The following CTRC variants were observed in gnomAD, a reference collection of about 807,000 sequenced individuals.
The protein encoded by CTRC is chymotrypsin C, also known as chymotrypsin-C.
Under a neutral mutation model 35.7 loss-of-function variants are expected in CTRC, and 32 were observed. That is an observed-to-expected ratio of 0.90 (90% CI 0.68 to 1.20). The LOEUF is 1.20. Ranked by LOEUF, CTRC falls within the 50% of genes most tolerant of loss-of-function variation. The pLI is 0.00. For synonymous variants in CTRC, 119 were observed against 149.5 expected, an observed-to-expected ratio of 0.80 and a Z score of 1.49; for missense variants, 324 against 361.5, an observed-to-expected ratio of 0.90 and a Z score of 0.84.
intron 1 of CTRC, among the ~76,000 whole-genome samples, chr1:15,440,095 G>A (rs901727261): frequency 5.3e-5 from 8 of 152,122 alleles, no homozygotes; most frequent in African/African-American, 7.2e-5. Context: ...CAAACTCACC[G>A]CATTAGTGTG....
chr1:15,443,344 A>C (rs1478909023), intron 4 of CTRC, 75 bp from the exon 5 acceptor site: 2 of 1,596,036 alleles, frequency 1.3e-6, no homozygotes, highest in African/African-American at 2.7e-5. Context: ...CCCAACTCAC[A>C]GCCCGAGCCC....
intron 4 of CTRC, among the ~76,000 whole-genome samples, 189 bp from the exon 5 acceptor site, chr1:15,443,230 A>G (rs1325668964): frequency 6.6e-6 from 1 of 152,140 alleles, no homozygotes; most frequent in Non-Finnish European, 1.5e-5. Flanking sequence ...AGTGCGGGTG[A>G]TCATGTTAGA....
intron 1 of CTRC, among the ~76,000 whole-genome samples, chr1:15,439,606 C>G (rs1022221653): frequency 9.2e-5 from 14 of 152,104 alleles, no homozygotes; most frequent in African/African-American, 3.4e-4. Context: ...TGTTCTTGAC[C>G]GCTCCACACA....
rs556674214 is a variant in CTRC at position 15,446,923 on chromosome 1, C to T, written c.*334C>T. 132 of 458,892 alleles carry T rather than the reference C, an allele frequency of 2.9e-4. 5 individuals carry two copies. Among genetic ancestry groups the T allele is most frequent in the South Asian group, 2.6e-3 (128 of 48,690 alleles). The allele number at this position is 458,892 out of a possible 1,614,324, so 28.4% of individuals were successfully genotyped here. A position where few individuals can be genotyped will look rare whatever the true frequency, so the allele number is the denominator to read the frequency against. On this transcript the variant is annotated 3_prime_UTR_variant, in exon 8 of 8. Transcript: ENST00000375949. ...AAGGACGCATCAGACACCTTCCCCG[C>T]TCCATCTCACAAGCTGCGAACAGGT...
intron 6 of CTRC, 125 bp downstream of exon 6, chr1:15,444,876 C>T (rs1708193240): frequency 4.0e-6 from 5 of 1,262,126 alleles, no homozygotes; most frequent in African/African-American, 1.5e-5. Context: ...CTGGGCCCAG[C>T]AGGCTCAGGG....
rs115789264 is a variant in CTRC, at chr1:15,440,926, T to A, written c.230+336T>A. ...CAGGAGCAGTGGCTCACGCCTGTAA[T>A]CATAGCACTCTGGGAGGCCGACGCA... is the stretch of plus-strand genomic sequence containing the variant. On this transcript the variant is annotated intron_variant, in intron 3 of 7. Coordinates refer to ENST00000375949, the MANE Select transcript of CTRC (RefSeq NM_007272.3). 7.5e-3 allele frequency among the ~76,000 whole-genome samples: 1,144 copies of A among 152,280 alleles called. 20 individuals carry two copies. Among genetic ancestry groups the A allele is most frequent in the African/African-American group, 0.025 (1,057 of 41,554 alleles).
At chr1:15,445,413 A>G (rs1708200899) in intron 6 of CTRC, among the ~76,000 whole-genome samples, 184 bp from the exon 7 acceptor site, 1 of 152,180 alleles carries the variant, frequency 6.6e-6, no homozygotes, top group African/African-American at 2.4e-5. Context: ...CTCCCAGAAT[A>G]AGGCCAAGGC....
chr1:15,446,839 C>T lies in CTRC; in HGVS notation c.*250C>T, dbSNP rs972688485. 8.2e-6 allele frequency: 5 copies of T among 606,062 alleles called. No individual in the cohort carries two copies. In the African/African-American group the frequency reaches 9.2e-5, roughly 11 times the overall value. 37.5% of individuals were successfully genotyped at this position (606,062 alleles called of 1,614,324 possible). The stretch of plus-strand genomic sequence containing the variant: ...AGCCTCCTGGGGCATTAATGGGAGG[C>T]AGGGGGCTGGGGTGGAGAGCCCAGG... On this transcript the variant is annotated 3_prime_UTR_variant, in exon 8 of 8. Coordinates refer to ENST00000375949, the MANE Select transcript of CTRC (RefSeq NM_007272.3).
At chr1:15,442,613 T>A in intron 4 of CTRC, 41 bp downstream of exon 4, 8 of 1,612,848 alleles carry the variant, frequency 5.0e-6, no homozygotes, top group Non-Finnish European at 5.9e-6. Flanking sequence ...CTGGGGGCAG[T>A]GTGGAAGGAG....
chr1:15,442,658 C>G, intron 4 of CTRC, 86 bp downstream of exon 4: 2 of 1,567,234 alleles, frequency 1.3e-6, no homozygotes, highest in Non-Finnish European at 1.7e-6. Context: ...GCCTGTCGCA[C>G]CCCATACCTG....
chr1:15,445,751 T>C lies in CTRC; in HGVS notation c.792+2T>C. On this transcript the variant is annotated splice_donor_variant, in intron 7 of 7. Transcript: ENST00000375949. LOFTEE classifies it high-confidence loss of function. ...GCCTACATCGACTGGATCAACGAGG[T>C]GGGTGCTGCCTCCACAGCTGTCCCT... The C allele has an allele frequency of 6.2e-7, 1 of 1,614,054 alleles. No homozygotes were observed. Among genetic ancestry groups the C allele is most frequent in the Non-Finnish European group, 8.5e-7 (1 of 1,180,012 alleles).
At chr1:15,441,454 C>T (rs866897583) in intron 3 of CTRC, among the ~76,000 whole-genome samples, 3 of 151,736 alleles carry the variant, frequency 2.0e-5, no homozygotes, top group Non-Finnish European at 1.5e-5. Flanking sequence ...AACGCGGAAG[C>T]CGGTGTGGCA....
chr1:15,442,578 T>G lies in CTRC; in HGVS notation c.356+6T>G. ...TGGAATGCCCTCCTGTTGCGGTGAG[T>G]GACAGACTGCCCATCCCACAGCCAC... On this transcript the variant is annotated splice_donor_region_variant and intron_variant, in intron 4 of 7. Transcript: ENST00000375949. 1 of 1,613,754 alleles carries G rather than the reference T, an allele frequency of 6.2e-7. No homozygotes were observed. Among genetic ancestry groups the G allele is most frequent in the South Asian group, 1.1e-5 (1 of 91,062 alleles).
chr1:15,443,734 CTG>C (rs1415598022), intron 5 of CTRC, among the ~76,000 whole-genome samples, 179 bp downstream of exon 5: 1 of 152,186 alleles, frequency 6.6e-6, no homozygotes. Context: ...GCAAGGGTCT[CTG>C]AGAGATGTGG....
At chr1:15,443,643 T>C in intron 5 of CTRC, 88 bp downstream of exon 5, 1 of 1,500,924 alleles carries the variant, frequency 6.7e-7, no homozygotes. Context: ...CCTTTTTGCC[T>C]TCACATTTTC....
rs747431847 is a variant in CTRC, at chr1:15,438,503, T to C, written c.39T>C (p.Cys13=). ...GITVLAALLA[C]ASSCGVPSFP... is the part of the protein sequence containing the mutation. ...CTGTCCTCGCTGCGCTCTTGGCCTG[T>C]GGTAAGCGGTGGGGTGGGGCTGCAG... Residue 13 remains cysteine, a splice_region_variant and synonymous_variant, in exon 1 of 8, where the codon TGT becomes TGC. Transcript: ENST00000375949. The C allele has an allele frequency of 6.1e-5, 99 of 1,613,920 alleles. No homozygotes were observed. The highest frequency in any genetic ancestry group is 1.6e-4 in the Middle Eastern group (1 of 6,084).
At chr1:15,443,850 G>A (rs958012949) in intron 5 of CTRC, among the ~76,000 whole-genome samples, 4 of 152,156 alleles carry the variant, frequency 2.6e-5, no homozygotes, top group African/African-American at 4.8e-5. Flanking sequence ...GGTAGGGGAT[G>A]ACATCTGTGG....
At position 15,447,488 on chromosome 1, in the gene CTRC, C is replaced by G. The variant is rs895711983; in HGVS notation, c.*899C>G. The G allele has an allele frequency of 6.6e-6, 1 of 152,462 alleles. No individual in the cohort carries two copies. Among genetic ancestry groups the G allele is most frequent in the African/African-American group, 2.4e-5 (1 of 41,436 alleles). 9.4% of individuals were successfully genotyped at this position (152,462 alleles called of 1,614,324 possible). On this transcript the variant is annotated 3_prime_UTR_variant, in exon 8 of 8. Transcript: ENST00000375949. ...GAGGCTGACAAGAGGCCAAGAGGAGCCAGAGATGAGATAGACCCAGTGTCC... is the reference window on the plus strand; with the variant it reads ...GAGGCTGACAAGAGGCCAAGAGGAGGCAGAGATGAGATAGACCCAGTGTCC...
intron 3 of CTRC, among the ~76,000 whole-genome samples, chr1:15,441,275 A>T (rs909687357): frequency 6.6e-6 from 1 of 152,080 alleles, no homozygotes; most frequent in African/African-American, 2.4e-5. Flanking sequence ...TGAAAGGGGG[A>T]TATTTGGCAA....
Sources: gnomAD v4.1 joint callset for allele counts (sites outside exome capture counted in the v4.1 genomes callset) on GRCh38, gnomAD v4.1.1 for gene constraint, MANE v1.5 for transcripts, NCBI Gene and HGNC (gene_info 2026-07-23, HGNC 2026-07-21) for gene names.